BSN: variants seen among roughly 807,000 people sequenced by gnomAD.
BSN encodes bassoon presynaptic cytomatrix protein.
BSN carries 57 observed loss-of-function variants against 264.8 expected under a neutral mutation model. The ratio of observed to expected loss-of-function variants is 0.22; its 90% CI spans 0.17 to 0.27. The LOEUF (loss-of-function observed/expected upper bound fraction) is 0.27. BSN is among the 10% of genes least tolerant of loss of function. The probability of loss-of-function intolerance (pLI) is 1.00; values close to 1 mark genes in which losing one functional copy is unlikely to be tolerated. For missense variants in BSN, 4,615 were observed against 5,232.5 expected (o/e 0.88, Z 3.64); for synonymous variants, 2,059 against 2,137.3 (o/e 0.96, Z 1.01).
intron 1 of BSN, among the ~76,000 whole-genome samples, chr3:49,587,912 CT>C (rs1035801577): frequency 1.4e-5 from 2 of 146,142 alleles, no homozygotes; most frequent in African/African-American, 5.1e-5. Context: ...CTTTTCTTTT[CT>C]TTTCTTTTCT....
At chr3:49,645,594 T>G (rs2052498996) in intron 3 of BSN, among the ~76,000 whole-genome samples, 1 of 152,208 alleles carries the variant, frequency 6.6e-6, no homozygotes, top group Non-Finnish European at 1.5e-5. Flanking sequence ...CAGCTTCACC[T>G]GCCTTGGGTC....
In BSN at chr3:49,654,813, G is replaced by A; in HGVS notation, c.5257G>A (p.Asp1753Asn). ...ACAAAAGCAGCCTGTGGTCTATGGA[G>A]ACCCCTACCAGAGCCGCCTTGACTT... is the stretch of plus-strand genomic sequence containing the variant. ...AQQKQPVVYG[D>N]PYQSRLDFGQ... is the part of the protein sequence containing the mutation. The change falls in exon 5 of 12, where the codon GAC becomes AAC. Residue 1753 changes from aspartate to asparagine, a missense_variant. Asp to Asn is a conservative substitution (Grantham distance 23). Coordinates refer to ENST00000296452, the MANE Select transcript of BSN (RefSeq NM_003458.4). This position sits in a 1 kb window ranked among gnomAD's most constrained non-coding sequence, Gnocchi z 4.1. 1 of 1,613,524 alleles carries A rather than the reference G, an allele frequency of 6.2e-7. No individual in the cohort carries two copies. The highest frequency in any genetic ancestry group is 8.5e-7 in the Non-Finnish European group (1 of 1,179,960).
rs531138902 is a variant in BSN at position 49,620,533 on chromosome 3, A to G, written c.225-4442A>G. On this transcript the variant is annotated intron_variant, in intron 1 of 11. Transcript: ENST00000296452. ...GTGGGCCTGGCATAAGGGAAGTGGAATCAGGGAGAGGATAATCAGAGATGA... is the reference window on the plus strand; with the variant it reads ...GTGGGCCTGGCATAAGGGAAGTGGAGTCAGGGAGAGGATAATCAGAGATGA... 4.6e-5 allele frequency among the ~76,000 whole-genome samples: 7 copies of G among 152,332 alleles called. No individual in the cohort carries two copies. The East Asian group carries it at 9.6e-4, about 21-fold the overall frequency.
At chr3:49,579,383 G>A (rs926015648) in intron 1 of BSN, among the ~76,000 whole-genome samples, 16 of 151,680 alleles carry the variant, frequency 1.1e-4, no homozygotes, top group Non-Finnish European at 2.9e-5. Flanking sequence ...TTAGGTATGG[G>A]TTTTTCATAG....
At chr3:49,650,558 A>C (rs1052222779) in intron 3 of BSN, 54 bp from the exon 4 acceptor site, 9 of 1,442,990 alleles carry the variant, frequency 6.2e-6, no homozygotes, top group Non-Finnish European at 8.6e-6. Context: ...ATATTATTTG[A>C]GGACTTCAGT....
chr3:49,573,613 C>T (rs1201064370), intron 1 of BSN, among the ~76,000 whole-genome samples: 1 of 151,972 alleles, frequency 6.6e-6, no homozygotes, highest in African/African-American at 2.4e-5. Flanking sequence ...AGTTGTTGCC[C>T]CCATGAGGAG....
At chr3:49,591,832 A>G (rs1386960320) in intron 1 of BSN, among the ~76,000 whole-genome samples, 1 of 151,962 alleles carries the variant, frequency 6.6e-6, no homozygotes, top group African/African-American at 2.4e-5. Flanking sequence ...AAAGCCATCC[A>G]CCCACCTTGG....
intron 1 of BSN, among the ~76,000 whole-genome samples, chr3:49,595,192 A>ATT (rs770763102): frequency 4.7e-5 from 5 of 105,890 alleles, no homozygotes; most frequent in African/African-American, 1.4e-4. Flanking sequence ...CCTGGCCACA[A>ATT]TTTTTTTTTT....
At chr3:49,582,889 CA>C (rs2051905125) in intron 1 of BSN, among the ~76,000 whole-genome samples, 1 of 152,036 alleles carries the variant, frequency 6.6e-6, no homozygotes, top group Non-Finnish European at 1.5e-5. Flanking sequence ...TTTTCTGCAT[CA>C]ATTGAGGTAA....
chr3:49,578,191 G>T (rs11130208), intron 1 of BSN, among the ~76,000 whole-genome samples: 126,555 of 152,158 alleles, frequency 0.83, 52,953 homozygotes, highest in East Asian at 0.99. Context: ...AGACAGGACC[G>T]TCCTTGTTGC....
In BSN at chr3:49,618,903, A is replaced by T. The variant is rs1043475429; in HGVS notation, c.225-6072A>T. Among the ~76,000 whole-genome samples the T allele has an allele frequency of 1.5e-4, 23 of 152,298 alleles. 1 individual carries two copies. The highest frequency in any genetic ancestry group is 3.4e-3 in the Middle Eastern group (1 of 294). ...TGGACTCCTATATGAATCATTTTTT[A>T]AAAAAATATTTTAATTAAATATTAA... On this transcript the variant is annotated intron_variant, in intron 1 of 11. Coordinates refer to ENST00000296452, the MANE Select transcript of BSN (RefSeq NM_003458.4).
intron 1 of BSN, among the ~76,000 whole-genome samples, chr3:49,590,699 CAT>C (rs1317422253): frequency 6.6e-6 from 1 of 151,786 alleles, no homozygotes; most frequent in Admixed American, 6.6e-5. Context: ...ATTATATCTA[CAT>C]ATGTTATAAA....
In BSN at chr3:49,663,076, G is replaced by A; in HGVS notation, c.10918G>A (p.Ala3640Thr). The change falls in exon 7 of 12, where the codon GCC (alanine) becomes ACC (threonine). Residue 3640 changes from alanine (A) to threonine (T), a missense_variant. Physicochemically the swap from Ala to Thr is moderately conservative, Grantham distance 58. Transcript: ENST00000296452. ...TGATGAGGGTGGCCCAGGCCGCCAT[G>A]CCTCAGCCAAGGAACACCGGCACGG... ...PHDEGGPGRH[A>T]SAKEHRHGDH... 1 of 1,612,756 alleles carries A rather than the reference G, an allele frequency of 6.2e-7. No homozygotes were observed. Among genetic ancestry groups the A allele is most frequent in the African/African-American group, 1.3e-5 (1 of 75,066 alleles).
In BSN at chr3:49,655,898, G is replaced by GCAT; in HGVS notation, c.6343_6345dup (p.His2115dup). The GCAT allele has an allele frequency of 1.2e-6, 2 of 1,612,366 alleles. No individual in the cohort carries two copies. Among genetic ancestry groups the GCAT allele is most frequent in the Non-Finnish European group, 1.7e-6 (2 of 1,179,970 alleles). On this transcript the variant is annotated inframe_insertion, in exon 5 of 12. Transcript: ENST00000296452. ...ACTCCATGGACCAGTATGGTGGGCG[G>GCAT]CATGGCAGTGGTGGTGGTGGCCCTG...
rs527947418 is a variant in BSN, at chr3:49,644,781, C to G, written c.1518+1629C>G. Among the ~76,000 whole-genome samples the G allele has an allele frequency of 1.9e-3, 289 of 152,284 alleles. 2 individuals carry two copies. The highest frequency in any genetic ancestry group is 6.6e-3 in the African/African-American group (274 of 41,558). On this transcript the variant is annotated intron_variant, in intron 3 of 11. Coordinates refer to ENST00000296452, the MANE Select transcript of BSN (RefSeq NM_003458.4). ...GGACTCCTGTCCCCAAGAGACCTCC[C>G]AGCCCACATTTCCTTATTAAGCAGA...
chr3:49,620,686 G>T (rs2052298636), intron 1 of BSN, among the ~76,000 whole-genome samples: 1 of 151,944 alleles, frequency 6.6e-6, no homozygotes, highest in Admixed American at 6.6e-5. Context: ...CCTGACTTGT[G>T]TATTTAAAGC....
At chr3:49,641,589 TA>T (rs1222911420) in intron 2 of BSN, 1 of 152,218 alleles carries the variant, frequency 6.6e-6, no homozygotes, top group East Asian at 1.9e-4. Flanking sequence ...AAAAAGGCTT[TA>T]AAAAATTCTA....
chr3:49,651,136 A>G lies in BSN; in HGVS notation c.1986+57A>G. 6.5e-7 allele frequency: 1 copy of G among 1,528,628 alleles called. No homozygotes were observed. Among genetic ancestry groups the G allele is most frequent in the South Asian group, 1.2e-5 (1 of 82,594 alleles). 94.7% of individuals were successfully genotyped at this position (1,528,628 alleles called of 1,614,324 possible). A position where few individuals can be genotyped will look rare whatever the true frequency, so the allele number is the denominator to read the frequency against. On this transcript the variant is annotated intron_variant, in intron 4 of 11. Transcript: ENST00000296452. This position sits in a 1 kb window ranked among gnomAD's most constrained non-coding sequence, Gnocchi z 5.4. ...CTTTCAGACAGGACAGTCTATGGAA[A>G]GGCTTGCCTCCCTGGGTGGCTGAGG...
At chr3:49,608,360 G>A (rs146557339) in intron 1 of BSN, among the ~76,000 whole-genome samples, 10 of 152,258 alleles carry the variant, frequency 6.6e-5, no homozygotes, top group East Asian at 1.9e-4. Flanking sequence ...CCATGGACAC[G>A]GTAATGTCAA....
Sources: allele counts gnomAD v4.1 joint callset (sites outside exome capture counted in the v4.1 genomes callset), GRCh38; gene constraint gnomAD v4.1.1; non-coding constraint Gnocchi (gnomAD v3.1); transcripts MANE v1.5; gene names NCBI Gene and HGNC (gene_info 2026-07-23, HGNC 2026-07-21).